The following CAPN1 variants were observed in gnomAD, a reference collection of about 807,000 sequenced individuals.
The protein encoded by CAPN1 is calpain-1 catalytic subunit.
In CAPN1, 77 loss-of-function variants were observed where a neutral mutation model predicts 105.2. The observed-to-expected ratio is 0.73, with a 90% CI of 0.61 to 0.88. The LOEUF is 0.88. Ranked by LOEUF, CAPN1 falls within the 40% of genes least tolerant of loss-of-function variation. The pLI, the probability that CAPN1 is intolerant of heterozygous loss-of-function variation, is 0.00. For missense variants in CAPN1, 833 were observed against 976.6 expected (o/e 0.85, Z 1.96); for synonymous variants, 355 against 388.8 (o/e 0.91, Z 1.02).
In CAPN1 at chr11:65,187,987, C is replaced by T. The variant is rs757635327; in HGVS notation, c.876C>T (p.Ile292=). The T allele has an allele frequency of 6.4e-7, 1 of 1,562,674 alleles. No individual in the cohort carries two copies. The highest frequency in any genetic ancestry group is 8.7e-7 in the Non-Finnish European group (1 of 1,153,598). ...ACCGAGGCCAGGTGGTGAGCCTGAT[C>T]CGGATGCGGAACCCCTGGGGCGAGG... ...VNYRGQVVSL[I]RMRNPWGEVE... The change falls in exon 8 of 22, where the codon ATC becomes ATT. Residue 292 remains isoleucine, a synonymous_variant. Coordinates refer to ENST00000279247, the MANE Select transcript of CAPN1 (RefSeq NM_005186.4).
At chr11:65,207,964 G>T in intron 14 of CAPN1, 91 bp from the exon 15 acceptor site, 1 of 834,666 alleles carries the variant, frequency 1.2e-6, no homozygotes. Context: ...GTGACTTGTA[G>T]CAGATATGTG....
At chr11:65,205,672 A>AAC in intron 11 of CAPN1, 38 bp from the exon 12 acceptor site, 1 of 1,612,236 alleles carries the variant, frequency 6.2e-7, no homozygotes, top group Non-Finnish European at 8.5e-7. Context: ...CCCTGGGACA[A>AAC]ACACACATCT....
intron 10 of CAPN1, among the ~76,000 whole-genome samples, chr11:65,195,100 G>GTTTTTT (rs60778423): frequency 1.1e-5 from 1 of 90,906 alleles, no homozygotes; most frequent in Non-Finnish European, 2.5e-5. Flanking sequence ...GTTTTTTGGG[G>GTTTTTT]TTTTTTTTTT....
chr11:65,187,936 C>CAGG lies in CAPN1; in HGVS notation c.844-16_844-14dup. ...AGTGCCTGCTGGAAGCTAGCACTGA[C>CAGG]AGGAGCTCTGGCAAATAGGTGAACT... On this transcript the variant is annotated intron_variant, in intron 7 of 21. Coordinates refer to ENST00000279247, the MANE Select transcript of CAPN1 (RefSeq NM_005186.4). 2 of 1,535,194 alleles carry CAGG rather than the reference C, an allele frequency of 1.3e-6. No homozygotes were observed. The highest frequency in any genetic ancestry group is 1.8e-6 in the Non-Finnish European group (2 of 1,132,138).
chr11:65,207,222 G>A (rs1277401719), intron 14 of CAPN1, among the ~76,000 whole-genome samples: 1 of 122,088 alleles, frequency 8.2e-6, no homozygotes, highest in South Asian at 2.5e-4. Context: ...TTTTTTTTGA[G>A]AGAGTCTCAC....
chr11:65,188,625 G>A lies in CAPN1; in HGVS notation c.1044G>A (p.Leu348=). Residue 348 remains leucine, a synonymous_variant, in exon 10 of 22, where the codon CTG becomes CTA. Coordinates refer to ENST00000279247, the MANE Select transcript of CAPN1 (RefSeq NM_005186.4). The surrounding 1 kb of genome is among the most constrained non-coding windows in gnomAD (Gnocchi z 5.5). ...FRDFMREFTR[L]EICNLTPDAL... is the part of the protein sequence containing the mutation. ...ACTTCATGCGGGAGTTCACCCGCCT[G>A]GAGATCTGCAACCTCACACCCGACG... The A allele has an allele frequency of 6.2e-7, 1 of 1,613,956 alleles. No homozygotes were observed. Among genetic ancestry groups the A allele is most frequent in the Non-Finnish European group, 8.5e-7 (1 of 1,179,876 alleles).
Position 65,209,010 on chromosome 11 carries a change from C to T in CAPN1, c.1730-313C>T. 1 of 424,340 alleles carries T rather than the reference C, an allele frequency of 2.4e-6. No homozygotes were observed. Among genetic ancestry groups the T allele is most frequent in the Non-Finnish European group, 4.4e-6 (1 of 227,896 alleles). The allele number at this position is 424,340 out of a possible 1,614,324, so 26.3% of individuals were successfully genotyped here. ...CTCCTCCTCTTCTCTGCTAGTGAAGCACTGCTTACCCTCCTAGCCTACAGC... is the reference window on the plus strand; with the variant it reads ...CTCCTCCTCTTCTCTGCTAGTGAAGTACTGCTTACCCTCCTAGCCTACAGC... On this transcript the variant is annotated intron_variant, in intron 16 of 21. Transcript: ENST00000279247. The surrounding 1 kb of genome is among the most constrained non-coding windows in gnomAD (Gnocchi z 4.1).
chr11:65,186,760 C>A (rs934178663), intron 6 of CAPN1, among the ~76,000 whole-genome samples: 4 of 152,140 alleles, frequency 2.6e-5, no homozygotes, highest in African/African-American at 9.7e-5. Flanking sequence ...ACTCCGCTCC[C>A]CAGTCCTCAA....
chr11:65,202,005 A>T, intron 10 of CAPN1, among the ~76,000 whole-genome samples: 1 of 150,352 alleles, frequency 6.7e-6, no homozygotes, highest in East Asian at 2.0e-4. Flanking sequence ...GTATTTTTTC[A>T]GTAGAGAATG....
chr11:65,208,810 C>A lies in CAPN1; in HGVS notation c.1730-513C>A. The A allele has an allele frequency of 4.7e-6, 1 of 213,064 alleles. No individual in the cohort carries two copies. 13.2% of individuals were successfully genotyped at this position (213,064 alleles called of 1,614,324 possible). A position where few individuals can be genotyped will look rare whatever the true frequency, so the allele number is the denominator to read the frequency against. ...AAAAAGCAGGAGCAGCACCTTAGTG[C>A]CAAAGAAAAGTCTACCTTTCCTCCC... is the stretch of plus-strand genomic sequence containing the variant. On this transcript the variant is annotated intron_variant, in intron 16 of 21. Transcript: ENST00000279247. This position sits in a 1 kb window ranked among gnomAD's most constrained non-coding sequence, Gnocchi z 4.1.
chr11:65,197,888 G>GAAAA (rs71049687), intron 10 of CAPN1, among the ~76,000 whole-genome samples: 2 of 83,434 alleles, frequency 2.4e-5, no homozygotes, highest in Non-Finnish European at 4.3e-5. Flanking sequence ...AACTCTATCT[G>GAAAA]AAAAAAAAAA....
rs1181645020 is a variant in CAPN1, at chr11:65,188,156, T to C, written c.929+116T>C. ...ACTCAGGATTGAGCAGAGGGGCCCA[T>C]CTTCGCGCGACTGGGTCTGGGGGAC... On this transcript the variant is annotated intron_variant, in intron 8 of 21. Transcript: ENST00000279247. The surrounding 1 kb of genome is among the most constrained non-coding windows in gnomAD (Gnocchi z 5.5). 6.4e-6 allele frequency: 5 copies of C among 778,128 alleles called. No homozygotes were observed. The highest frequency in any genetic ancestry group is 5.4e-5 in the East Asian group (2 of 37,270). 48.2% of individuals were successfully genotyped at this position (778,128 alleles called of 1,614,324 possible).
chr11:65,209,398 G>A lies in CAPN1; in HGVS notation c.1794+11G>A, dbSNP rs182727714. ...GTGAACCTCATGGATGTATCCTTCC[G>A]TTTGCTTTTGTCTCCTGAGTGGGGT... On this transcript the variant is annotated intron_variant, in intron 17 of 21. Transcript: ENST00000279247. This position sits in a 1 kb window ranked among gnomAD's most constrained non-coding sequence, Gnocchi z 4.1. The A allele has an allele frequency of 2.9e-4, 471 of 1,611,598 alleles. No individual in the cohort carries two copies. Among genetic ancestry groups the A allele is most frequent in the Middle Eastern group, 8.3e-4 (5 of 6,056 alleles).
intron 10 of CAPN1, among the ~76,000 whole-genome samples, chr11:65,204,467 G>A (rs781570159): frequency 1.3e-4 from 20 of 152,156 alleles, no homozygotes; most frequent in Non-Finnish European, 2.4e-4. Context: ...CTAACCTAAC[G>A]GACTTGCTCA....
At chr11:65,184,186 C>T (rs945599732) in intron 4 of CAPN1, among the ~76,000 whole-genome samples, 1 of 152,176 alleles carries the variant, frequency 6.6e-6, no homozygotes, top group Non-Finnish European at 1.5e-5. Flanking sequence ...CAGCCCTGCC[C>T]GAAGGACTCT....
intron 21 of CAPN1, 120 bp from the exon 22 acceptor site, chr11:65,211,140 C>T: frequency 3.5e-6 from 4 of 1,136,760 alleles, no homozygotes; most frequent in Non-Finnish European, 5.2e-6. Context: ...GTAACCCCTC[C>T]ATGAGGTTCC....
chr11:65,183,416 G>T (rs778906752), intron 3 of CAPN1, 58 bp from the exon 4 acceptor site: 3 of 1,368,482 alleles, frequency 2.2e-6, no homozygotes, highest in African/African-American at 2.9e-5. Context: ...CCTAGCACCC[G>T]CTTCCCCCCC....
rs539259148 is a variant in CAPN1, at chr11:65,188,516, C to T, written c.1004+28C>T. On this transcript the variant is annotated intron_variant, in intron 9 of 21. Coordinates refer to ENST00000279247, the MANE Select transcript of CAPN1 (RefSeq NM_005186.4). This position sits in a 1 kb window ranked among gnomAD's most constrained non-coding sequence, Gnocchi z 5.5. ...GAGCGCCCCCTCCCCTTCTACCCCA[C>T]CTCTCCACCCCTACACATCAGCTCT... 2.9e-5 allele frequency: 46 copies of T among 1,612,854 alleles called. 1 individual carries two copies. The South Asian group carries it at 4.8e-4, about 17-fold the overall frequency.
intron 1 of CAPN1, chr11:65,182,451 C>G: frequency 2.0e-6 from 1 of 506,322 alleles, no homozygotes; most frequent in Non-Finnish European, 3.5e-6. Flanking sequence ...GAGCTGCAAG[C>G]CCCTGACAAT....
Sources: allele counts gnomAD v4.1 joint callset (sites outside exome capture counted in the v4.1 genomes callset), GRCh38; gene constraint gnomAD v4.1.1; non-coding constraint Gnocchi (gnomAD v3.1); transcripts MANE v1.5; gene names NCBI Gene and HGNC (gene_info 2026-07-23, HGNC 2026-07-21).